The following SEMA5A variants were observed in gnomAD, a reference collection of about 807,000 sequenced individuals.
The protein encoded by SEMA5A is semaphorin-5A.
A neutral mutation model predicts 135.5 loss-of-function variants in SEMA5A; 55 were observed. That is an observed-to-expected ratio of 0.41 (90% CI 0.33 to 0.51). The LOEUF (loss-of-function observed/expected upper bound fraction) is 0.51, where lower values mean the gene tolerates loss of function less well. Among genes scored for constraint, SEMA5A ranks in the 20% least tolerant of loss-of-function variants. SEMA5A has a pLI of 0.37. For synonymous variants in SEMA5A, 580 were observed against 546.5 expected (o/e 1.06, Z -0.85); for missense variants, 1,290 against 1,419.9 (o/e 0.91, Z 1.47).
chr5:9,170,761 C>G (rs1301506124), intron 11 of SEMA5A, among the ~76,000 whole-genome samples: 2 of 152,166 alleles, frequency 1.3e-5, no homozygotes, highest in Non-Finnish European at 2.9e-5. Flanking sequence ...ATGAGAAATA[C>G]ATTTCTGTTG....
intron 20 of SEMA5A, among the ~76,000 whole-genome samples, chr5:9,051,373 A>G (rs771563895): frequency 1.7e-4 from 26 of 151,996 alleles, no homozygotes; most frequent in Non-Finnish European, 3.4e-4. Context: ...ATCACCAACA[A>G]CTACACACTG....
intron 8 of SEMA5A, among the ~76,000 whole-genome samples, chr5:9,213,798 A>G (rs1441784380): frequency 2.0e-5 from 3 of 152,178 alleles, no homozygotes; most frequent in Non-Finnish European, 4.4e-5. Context: ...TGAGCTCTGA[A>G]AGGCAAGGAA....
chr5:9,460,821 C>G (rs891567138), intron 1 of SEMA5A, among the ~76,000 whole-genome samples: 1 of 152,166 alleles, frequency 6.6e-6, no homozygotes, highest in African/African-American at 2.4e-5. Context: ...TATTCCCTTA[C>G]TAAGAAGCAC....
chr5:9,169,079 G>A (rs1047087947), intron 11 of SEMA5A, among the ~76,000 whole-genome samples: 3 of 152,182 alleles, frequency 2.0e-5, no homozygotes, highest in Non-Finnish European at 4.4e-5. Context: ...TGTACAGCAC[G>A]GAGACTATAG....
chr5:9,109,996 A>G (rs545231538), intron 15 of SEMA5A, among the ~76,000 whole-genome samples: 1 of 152,270 alleles, frequency 6.6e-6, no homozygotes, highest in Admixed American at 6.5e-5. Context: ...CTTCAGGAAC[A>G]GGGACAATGT....
intron 16 of SEMA5A, among the ~76,000 whole-genome samples, chr5:9,070,447 A>G (rs1561123255): frequency 6.6e-6 from 1 of 152,194 alleles, no homozygotes; most frequent in Non-Finnish European, 1.5e-5. Context: ...GGTCTTAACA[A>G]ATGCAGCATT....
chr5:9,071,058 T>G (rs1453826613), intron 16 of SEMA5A, among the ~76,000 whole-genome samples: 1 of 152,234 alleles, frequency 6.6e-6, no homozygotes, highest in African/African-American at 2.4e-5. Context: ...GGAAGCTAAC[T>G]ATTATGATTT....
intron 7 of SEMA5A, among the ~76,000 whole-genome samples, 178 bp downstream of exon 7, chr5:9,226,691 G>T (rs1747328474): frequency 1.3e-5 from 2 of 152,068 alleles, no homozygotes; most frequent in Admixed American, 1.3e-4. Flanking sequence ...TTATCTAATT[G>T]ATGGTCCTGA....
intron 2 of SEMA5A, among the ~76,000 whole-genome samples, chr5:9,421,352 A>G (rs1479405588): frequency 6.6e-6 from 1 of 152,226 alleles, no homozygotes; most frequent in Non-Finnish European, 1.5e-5. Flanking sequence ...CTGACATATA[A>G]TCTATACTTG....
intron 5 of SEMA5A, among the ~76,000 whole-genome samples, chr5:9,303,298 A>T (rs375981138): frequency 2.6e-5 from 4 of 151,936 alleles, no homozygotes; most frequent in African/African-American, 9.6e-5. Flanking sequence ...TTGTATTTTC[A>T]GTAGAGGTGG....
At chr5:9,164,317 T>G (rs1209877963) in intron 11 of SEMA5A, among the ~76,000 whole-genome samples, 1 of 146,678 alleles carries the variant, frequency 6.8e-6, no homozygotes, top group Non-Finnish European at 1.5e-5. Context: ...ATAATATAAA[T>G]ATGTCAAGAG....
intron 1 of SEMA5A, among the ~76,000 whole-genome samples, chr5:9,531,506 G>A (rs571720554): frequency 6.6e-6 from 1 of 152,258 alleles, no homozygotes; most frequent in East Asian, 1.9e-4. Flanking sequence ...CTCCCTCAGG[G>A]CATGCAGACA....
intron 5 of SEMA5A, among the ~76,000 whole-genome samples, chr5:9,303,157 C>A (rs1190782907): frequency 5.3e-5 from 8 of 150,290 alleles, no homozygotes; most frequent in Non-Finnish European, 1.2e-4. Context: ...CGCTCTGTTG[C>A]CCAGGCTAGA....
At chr5:9,188,529 A>T (rs12515855) in intron 11 of SEMA5A, among the ~76,000 whole-genome samples, 21,761 of 151,980 alleles carry the variant, frequency 0.14, 1,831 homozygotes, top group Admixed American at 0.26. Flanking sequence ...ATTCAGGTCT[A>T]CTCAAGAATA....
At chr5:9,425,656 C>T (rs1579519388) in intron 2 of SEMA5A, among the ~76,000 whole-genome samples, 1 of 152,182 alleles carries the variant, frequency 6.6e-6, no homozygotes, top group African/African-American at 2.4e-5. Context: ...GGAAATTACA[C>T]AGTAAGGGTG....
At chr5:9,361,554 C>G (rs1220176422) in intron 3 of SEMA5A, among the ~76,000 whole-genome samples, 1 of 152,136 alleles carries the variant, frequency 6.6e-6, no homozygotes, top group Non-Finnish European at 1.5e-5. Context: ...GTGAGTTAAT[C>G]TGTTCCTCCC....
intron 1 of SEMA5A, among the ~76,000 whole-genome samples, chr5:9,487,407 A>T (rs1734787977): frequency 6.6e-6 from 1 of 152,160 alleles, no homozygotes; most frequent in African/African-American, 2.4e-5. Flanking sequence ...GTAGGAAGGG[A>T]TGGGTTTGAG....
At chr5:9,148,429 C>T (rs1204620579) in intron 12 of SEMA5A, among the ~76,000 whole-genome samples, 1 of 152,090 alleles carries the variant, frequency 6.6e-6, no homozygotes, top group African/African-American at 2.4e-5. Flanking sequence ...AAGGCTTACT[C>T]ACAAGTGACC....
chr5:9,144,017 A>G (rs1167249773), intron 12 of SEMA5A, among the ~76,000 whole-genome samples: 1 of 152,212 alleles, frequency 6.6e-6, no homozygotes, highest in East Asian at 1.9e-4. Context: ...ACGATGTGGA[A>G]GTAACTCACC....
Sources: allele counts gnomAD v4.1 joint callset (sites outside exome capture counted in the v4.1 genomes callset), GRCh38; gene constraint gnomAD v4.1.1; transcripts MANE v1.5; gene names NCBI Gene and HGNC (gene_info 2026-07-23, HGNC 2026-07-21).